The following KDM4C variants were observed in gnomAD, a reference collection of about 807,000 sequenced individuals.
KDM4C encodes the protein lysine demethylase 4C, also known as lysine-specific demethylase 4C.
KDM4C carries 81 observed loss-of-function variants against 129.3 expected under a neutral mutation model. The observed-to-expected ratio is 0.63, with a 90% CI of 0.52 to 0.75. KDM4C has a LOEUF of 0.75. Ranked by LOEUF, KDM4C falls within the 30% of genes least tolerant of loss-of-function variation. The pLI is 0.00. For missense variants in KDM4C, 1,457 were observed against 1,304.0 expected, an observed-to-expected ratio of 1.12 and a Z score of -1.81; for synonymous variants, 573 against 456.1, an observed-to-expected ratio of 1.26 and a Z score of -3.26.
At chr9:6,937,624 A>G (rs1825058685) in intron 8 of KDM4C, among the ~76,000 whole-genome samples, 1 of 152,102 alleles carries the variant, frequency 6.6e-6, no homozygotes, top group African/African-American at 2.4e-5. Flanking sequence ...TCTTCACCAC[A>G]ACACTAGCTA....
At position 6,989,459 on chromosome 9, in the gene KDM4C, A is replaced by G. The variant is rs373784763; in HGVS notation, c.1678-957A>G. On this transcript the variant is annotated intron_variant, in intron 11 of 21. Transcript: ENST00000381309. ...TGGGTCCTAGCTGGAAGGTGTAAGGATACACATGACTTTCTACCCGGGAAA... is the reference window on the plus strand; with the variant it reads ...TGGGTCCTAGCTGGAAGGTGTAAGGGTACACATGACTTTCTACCCGGGAAA... Among the ~76,000 whole-genome samples the G allele has an allele frequency of 2.1e-4, 32 of 152,308 alleles. No homozygotes were observed. In the South Asian group the frequency reaches 6.6e-3, roughly 32 times the overall value.
At chr9:7,040,540 A>G (rs1052697168) in intron 15 of KDM4C, among the ~76,000 whole-genome samples, 7 of 151,948 alleles carry the variant, frequency 4.6e-5, no homozygotes, top group Non-Finnish European at 1.0e-4. Context: ...CTCATTCTGA[A>G]GAACTTTATT....
intron 14 of KDM4C, 57 bp downstream of exon 14, chr9:7,014,058 A>T: frequency 6.9e-7 from 1 of 1,448,964 alleles, no homozygotes; most frequent in Non-Finnish European, 9.5e-7. Flanking sequence ...CATCATCTTT[A>T]TTTCTCACTT....
intron 13 of KDM4C, among the ~76,000 whole-genome samples, chr9:7,013,240 C>G (rs185838391): frequency 2.0e-5 from 3 of 152,168 alleles, no homozygotes; most frequent in East Asian, 3.9e-4. Flanking sequence ...AAGTACTAAA[C>G]TTTTTAAAAT....
At chr9:7,031,286 C>T (rs1307081793) in intron 15 of KDM4C, among the ~76,000 whole-genome samples, 1 of 151,990 alleles carries the variant, frequency 6.6e-6, no homozygotes, top group Non-Finnish European at 1.5e-5. Flanking sequence ...CCTCAGCCTC[C>T]TGAGTAGCTG....
chr9:7,119,180 C>G (rs994790643), intron 18 of KDM4C, among the ~76,000 whole-genome samples: 2 of 152,020 alleles, frequency 1.3e-5, no homozygotes, highest in African/African-American at 4.8e-5. Context: ...CATTGAGTTT[C>G]ATTTCATTAC....
intron 1 of KDM4C, among the ~76,000 whole-genome samples, chr9:6,735,752 T>A (rs1386823407): frequency 1.3e-5 from 2 of 152,152 alleles, no homozygotes; most frequent in African/African-American, 4.8e-5. Context: ...GAAAATGGAC[T>A]CATACATTAA....
intron 17 of KDM4C, among the ~76,000 whole-genome samples, chr9:7,094,519 A>C (rs559598003): frequency 6.6e-5 from 10 of 152,128 alleles, no homozygotes; most frequent in African/African-American, 2.4e-4. Context: ...CTGCTGCGTG[A>C]TTTTTCTCTT....
At chr9:7,011,946 T>A (rs1274998460) in intron 13 of KDM4C, 67 bp downstream of exon 13, 1 of 1,335,460 alleles carries the variant, frequency 7.5e-7, no homozygotes, top group Non-Finnish European at 1.1e-6. Flanking sequence ...TACCACAAGA[T>A]CACTGTAAAT....
chr9:6,744,301 A>G (rs1172947633), intron 1 of KDM4C, among the ~76,000 whole-genome samples: 4 of 152,118 alleles, frequency 2.6e-5, no homozygotes, highest in Non-Finnish European at 4.4e-5. Flanking sequence ...TGAGACGGGC[A>G]GATCACGAGG....
chr9:7,027,506 C>T (rs774431718), intron 15 of KDM4C, among the ~76,000 whole-genome samples: 2 of 152,168 alleles, frequency 1.3e-5, no homozygotes, highest in Non-Finnish European at 2.9e-5. Flanking sequence ...CTGTTGTTAC[C>T]ACCTCTAGGA....
intron 8 of KDM4C, among the ~76,000 whole-genome samples, chr9:6,914,420 G>A (rs1043750600): frequency 6.6e-6 from 1 of 152,122 alleles, no homozygotes; most frequent in African/African-American, 2.4e-5. Context: ...TAACAGATGA[G>A]TACATCATTT....
At chr9:6,730,163 G>A (rs1299376024) in intron 1 of KDM4C, among the ~76,000 whole-genome samples, 1 of 151,870 alleles carries the variant, frequency 6.6e-6, no homozygotes, top group Non-Finnish European at 1.5e-5. Context: ...ATGGCCATGA[G>A]GCCTTGCAGC....
At chr9:6,779,027 A>G (rs1383402268) in intron 1 of KDM4C, among the ~76,000 whole-genome samples, 11 of 79,764 alleles carry the variant, frequency 1.4e-4, no homozygotes, top group African/African-American at 6.5e-4. Context: ...AGGCCTGATT[A>G]AAGTCTTTTT....
intron 4 of KDM4C, among the ~76,000 whole-genome samples, chr9:6,848,281 G>A (rs1375094297): frequency 6.6e-6 from 1 of 152,180 alleles, no homozygotes; most frequent in Non-Finnish European, 1.5e-5. Context: ...ACAGGAACAT[G>A]CCTAGTCTCT....
chr9:6,816,156 A>G (rs879753314), intron 4 of KDM4C, among the ~76,000 whole-genome samples: 6 of 152,198 alleles, frequency 3.9e-5, no homozygotes, highest in Non-Finnish European at 5.9e-5. Context: ...TCTGTCCCCA[A>G]CAGCCTTTCA....
chr9:7,062,042 A>G (rs1831760296), intron 17 of KDM4C, among the ~76,000 whole-genome samples: 1 of 152,032 alleles, frequency 6.6e-6, no homozygotes, highest in Non-Finnish European at 1.5e-5. Context: ...ATCTTGGCTC[A>G]CTGCAAGCTC....
chr9:7,153,934 G>T (rs1842930794), intron 19 of KDM4C, among the ~76,000 whole-genome samples: 1 of 152,190 alleles, frequency 6.6e-6, no homozygotes, highest in Non-Finnish European at 1.5e-5. Context: ...TCTGCTGTAG[G>T]CCTGTGGGTG....
Position 6,886,702 on chromosome 9 carries a change from C to T in KDM4C, c.680-1258C>T, listed in dbSNP as rs762164409. On this transcript the variant is annotated intron_variant, in intron 6 of 21. Transcript: ENST00000381309. ...AGAGACGGGGTTTTACCATGTTGGC[C>T]AGGCTGGTCTCGAACTCCTGACCTT... 2.0e-4 allele frequency among the ~76,000 whole-genome samples: 30 copies of T among 152,022 alleles called. 1 individual carries two copies. Among genetic ancestry groups the T allele is most frequent in the Admixed American group, 1.7e-3 (26 of 15,260 alleles).
Sources: allele counts gnomAD v4.1 joint callset (sites outside exome capture counted in the v4.1 genomes callset), GRCh38; gene constraint gnomAD v4.1.1; transcripts MANE v1.5; gene names NCBI Gene and HGNC (gene_info 2026-07-23, HGNC 2026-07-21).